The following FARS2 variants were observed in gnomAD, a reference collection of about 807,000 sequenced individuals.
FARS2 encodes the protein phenylalanine--tRNA ligase, mitochondrial.
In FARS2, 40 loss-of-function variants were observed where a neutral mutation model predicts 46.4. The observed-to-expected ratio is 0.86, with a 90% confidence interval of 0.67 to 1.12. FARS2 has a LOEUF of 1.12. FARS2 is among the 50% of genes most tolerant of loss of function. FARS2 has a pLI of 0.00. For missense variants in FARS2, 513 were observed against 567.9 expected (o/e 0.90, Z 0.98); for synonymous variants, 234 against 214.9 (o/e 1.09, Z -0.78).
intron 6 of FARS2, among the ~76,000 whole-genome samples, chr6:5,636,918 G>A (rs1180408565): frequency 6.6e-6 from 1 of 152,272 alleles, no homozygotes; most frequent in African/African-American, 2.4e-5. Flanking sequence ...GGGACCTCAG[G>A]TAGTGAGCAC....
rs1166243704 is a variant in FARS2, at chr6:5,553,038, G to C, written c.1065+7698G>C. Among the ~76,000 whole-genome samples the C allele has an allele frequency of 3.3e-5, 5 of 152,142 alleles. No individual in the cohort carries two copies. In the East Asian group the frequency reaches 9.6e-4, roughly 29 times the overall value. On this transcript the variant is annotated intron_variant, in intron 5 of 6. Transcript: ENST00000274680. ...TACTTATTGAAAATTACTCAACATT[G>C]TACATTTTACTTACAGATTTTATTA...
At chr6:5,327,843 A>T (rs1461469464) in intron 1 of FARS2, among the ~76,000 whole-genome samples, 1 of 152,160 alleles carries the variant, frequency 6.6e-6, no homozygotes, top group Non-Finnish European at 1.5e-5. Flanking sequence ...TAGATAGTAC[A>T]GGAAAGGGGA....
At chr6:5,393,528 C>T (rs572322146) in intron 2 of FARS2, among the ~76,000 whole-genome samples, 129 of 151,920 alleles carry the variant, frequency 8.5e-4, no homozygotes, top group African/African-American at 3.0e-3. Context: ...CATGGTGGTG[C>T]GTGCCTGTAG....
intron 2 of FARS2, among the ~76,000 whole-genome samples, chr6:5,372,016 C>T (rs1357818203): frequency 1.3e-5 from 2 of 151,692 alleles, no homozygotes; most frequent in Non-Finnish European, 2.9e-5. Flanking sequence ...GTTGGTACAG[C>T]AATATTAATA....
chr6:5,555,438 T>G (rs958344157), intron 5 of FARS2, among the ~76,000 whole-genome samples: 6 of 152,170 alleles, frequency 3.9e-5, no homozygotes, highest in African/African-American at 1.4e-4. Context: ...TTAATTCTTT[T>G]TTGCTAGTTA....
intron 6 of FARS2, among the ~76,000 whole-genome samples, chr6:5,715,448 C>T (rs143663473): frequency 1.7e-3 from 255 of 152,274 alleles, no homozygotes; most frequent in African/African-American, 5.9e-3. Flanking sequence ...CAGCAATCAC[C>T]GCCCTTTCCC....
intron 6 of FARS2, among the ~76,000 whole-genome samples, chr6:5,645,428 C>A (rs1042192170): frequency 2.0e-5 from 3 of 152,142 alleles, no homozygotes; most frequent in African/African-American, 7.2e-5. Context: ...ATTAACAAAC[C>A]CTAAGGGATG....
rs562202149 is a variant in FARS2 at position 5,540,347 on chromosome 6, A to G, written c.905-4833A>G. Among the ~76,000 whole-genome samples, 5 of 152,340 alleles carry G rather than the reference A, an allele frequency of 3.3e-5. No individual in the cohort carries two copies. The East Asian group carries it at 9.6e-4, about 29-fold the overall frequency. On this transcript the variant is annotated intron_variant, in intron 4 of 6. Transcript: ENST00000274680. ...TGTTACTTCTGAGCATTTTGTGATC[A>G]TTTCCATTTCTCATCTGTGAAACTG...
intron 6 of FARS2, among the ~76,000 whole-genome samples, chr6:5,648,062 T>C (rs1777164186): frequency 6.6e-6 from 1 of 152,260 alleles, no homozygotes. Context: ...GCACACTGCC[T>C]TCTGGACTCA....
intron 6 of FARS2, among the ~76,000 whole-genome samples, chr6:5,710,299 G>GACT (rs1291982537): frequency 3.3e-5 from 5 of 152,234 alleles, no homozygotes; most frequent in Non-Finnish European, 7.3e-5. Context: ...ACTGTGATGA[G>GACT]ACTACTTAGC....
At chr6:5,422,331 A>G (rs531736201) in intron 3 of FARS2, among the ~76,000 whole-genome samples, 1 of 152,006 alleles carries the variant, frequency 6.6e-6, no homozygotes, top group South Asian at 2.1e-4. Context: ...ATCACCTTTT[A>G]TCTTTCAACT....
intron 4 of FARS2, among the ~76,000 whole-genome samples, chr6:5,488,172 G>C (rs1309375779): frequency 6.6e-6 from 1 of 152,118 alleles, no homozygotes; most frequent in Non-Finnish European, 1.5e-5. Flanking sequence ...CTGTCTCTCT[G>C]AATCTTCCCT....
intron 1 of FARS2, among the ~76,000 whole-genome samples, chr6:5,283,318 A>G (rs111546880): frequency 0.082 from 12,097 of 148,302 alleles, 828 homozygotes; most frequent in African/African-American, 0.19. Flanking sequence ...TGTTGCAGTG[A>G]GCTGAGATTG....
chr6:5,681,014 G>A (rs1020413224), intron 6 of FARS2, among the ~76,000 whole-genome samples: 1 of 152,092 alleles, frequency 6.6e-6, no homozygotes, highest in Non-Finnish European at 1.5e-5. Flanking sequence ...TGACATAATC[G>A]CCCTCATAGA....
intron 6 of FARS2, among the ~76,000 whole-genome samples, chr6:5,752,496 G>A (rs1036950805): frequency 6.6e-6 from 1 of 152,174 alleles, no homozygotes; most frequent in African/African-American, 2.4e-5. Flanking sequence ...ATTCAGAATG[G>A]CTATAGCAAA....
At chr6:5,625,837 A>G (rs1043408986) in intron 6 of FARS2, among the ~76,000 whole-genome samples, 6 of 152,148 alleles carry the variant, frequency 3.9e-5, no homozygotes, top group Admixed American at 2.6e-4. Context: ...CAGGCTCCAG[A>G]TGGTCTCTCC....
At chr6:5,758,402 T>C (rs1484705421) in intron 6 of FARS2, among the ~76,000 whole-genome samples, 1 of 152,338 alleles carries the variant, frequency 6.6e-6, no homozygotes, top group East Asian at 1.9e-4. Flanking sequence ...ATTTAAATAG[T>C]CATTTATAAT....
chr6:5,531,827 A>C (rs1582371942), intron 4 of FARS2, among the ~76,000 whole-genome samples: 1 of 152,286 alleles, frequency 6.6e-6, no homozygotes, highest in Non-Finnish European at 1.5e-5. Flanking sequence ...GAAGAGAAGA[A>C]ATCGGAATTT....
chr6:5,291,534 T>TA (rs1308963126), intron 1 of FARS2: 6 of 152,300 alleles, frequency 3.9e-5, no homozygotes, highest in African/African-American at 1.4e-4. Context: ...AGATCTTTCT[T>TA]ACAAAAAATA....
Sources: gnomAD v4.1 joint callset for allele counts (sites outside exome capture counted in the v4.1 genomes callset) on GRCh38, gnomAD v4.1.1 for gene constraint, MANE v1.5 for transcripts, NCBI Gene and HGNC (gene_info 2026-07-23, HGNC 2026-07-21) for gene names.